The following NCKAP5 variants were observed in gnomAD, a reference collection of about 807,000 sequenced individuals.
NCKAP5 encodes the protein nck-associated protein 5.
In NCKAP5, 92 loss-of-function variants were observed where a neutral mutation model predicts 167.0. The ratio of observed to expected loss-of-function variants is 0.55; its 90% CI spans 0.47 to 0.66. NCKAP5 has a LOEUF of 0.66. NCKAP5 is among the 30% of genes least tolerant of loss of function. The pLI, the probability that NCKAP5 is intolerant of heterozygous loss-of-function variation, is 0.00. For missense variants in NCKAP5, 2,378 were observed against 2,315.0 expected (o/e 1.03, Z -0.56); for synonymous variants, 891 against 877.4 (o/e 1.02, Z -0.27).
chr2:133,084,162 A>T (rs1573978966), intron 6 of NCKAP5, among the ~76,000 whole-genome samples: 1 of 152,114 alleles, frequency 6.6e-6, no homozygotes, highest in African/African-American at 2.4e-5. Flanking sequence ...GGGTGGCTGG[A>T]TAAGGAAAAA....
the NCKAP5 span, among the ~76,000 whole-genome samples, chr2:133,656,940 G>A: frequency 6.6e-6 from 1 of 151,550 alleles, no homozygotes; most frequent in Non-Finnish European, 1.5e-5. Flanking sequence ...CCTTTCCCCT[G>A]AGTACCCAAA....
At chr2:132,930,142 A>T (rs1696254714) in intron 8 of NCKAP5, 1 of 152,166 alleles carries the variant, frequency 6.6e-6, no homozygotes, top group African/African-American at 2.4e-5. Flanking sequence ...TCCCTGGTTG[A>T]AATTTGAATA....
intron 10 of NCKAP5, among the ~76,000 whole-genome samples, chr2:132,864,916 C>T (rs1372602640): frequency 3.3e-5 from 5 of 152,128 alleles, no homozygotes; most frequent in African/African-American, 1.2e-4. Flanking sequence ...TCTCAGTTTC[C>T]TCATCTGTAA....
Position 132,782,026 on chromosome 2 carries a change from G to A in NCKAP5, c.4785C>T (p.Tyr1595=). 1 of 1,614,020 alleles carries A rather than the reference G, an allele frequency of 6.2e-7. No individual in the cohort carries two copies. Among genetic ancestry groups the A allele is most frequent in the South Asian group, 1.1e-5 (1 of 91,076 alleles). Reference sequence around the variant, plus strand: ...TCCTTGGTTCAATCTTCAGTTGGTTGTAAATGTCTTGTGGTGTTCTCCGAT... The same window carrying A: ...TCCTTGGTTCAATCTTCAGTTGGTTATAAATGTCTTGTGGTGTTCTCCGAT... ...KNNRRTPQDI[Y]NQLKIEPRNR... is the part of the protein sequence containing the mutation. The change falls in exon 14 of 20, where the codon TAC becomes TAT. Residue 1595 remains tyrosine (Y), a synonymous_variant. Transcript: ENST00000409261.
chr2:132,736,797 A>G (rs1399980530), intron 16 of NCKAP5, among the ~76,000 whole-genome samples: 1 of 152,156 alleles, frequency 6.6e-6, no homozygotes, highest in Non-Finnish European at 1.5e-5. Context: ...ACAAAACAAA[A>G]CAAGAAACAA....
chr2:132,684,445 G>A (rs971009169), intron 19 of NCKAP5, among the ~76,000 whole-genome samples: 8 of 152,210 alleles, frequency 5.3e-5, no homozygotes, highest in Non-Finnish European at 1.0e-4. Context: ...TTTGGCTTGT[G>A]AGTAGTCAAG....
intron 3 of NCKAP5, among the ~76,000 whole-genome samples, chr2:133,409,268 C>T (rs943508979): frequency 2.0e-5 from 3 of 152,322 alleles, no homozygotes; most frequent in South Asian, 2.1e-4. Flanking sequence ...TTACTACCTG[C>T]TGTCCCAGCT....
upstream of NCKAP5, among the ~76,000 whole-genome samples, chr2:133,572,550 G>A (rs1688904519): frequency 6.6e-6 from 1 of 152,190 alleles, no homozygotes; most frequent in Admixed American, 6.5e-5. Flanking sequence ...AAATATCGGC[G>A]GTGGGGGAAT....
chr2:133,104,226 A>C (rs2081610782), intron 6 of NCKAP5, among the ~76,000 whole-genome samples: 1 of 152,208 alleles, frequency 6.6e-6, no homozygotes, highest in African/African-American at 2.4e-5. Flanking sequence ...TTGGACACAG[A>C]GCACAGCGTC....
Position 132,743,956 on chromosome 2 carries a change from T to C in NCKAP5, c.5129-11905A>G, listed in dbSNP as rs991698256. On this transcript the variant is annotated intron_variant, in intron 16 of 19. Coordinates refer to ENST00000409261, the MANE Select transcript of NCKAP5 (RefSeq NM_207363.3). Reference sequence around the variant, plus strand: ...ATATTACCAGGGATCAGAAGAAATATGTTATAGTTATAACAAGGTAAATTT... The same window carrying C: ...ATATTACCAGGGATCAGAAGAAATACGTTATAGTTATAACAAGGTAAATTT... Among the ~76,000 whole-genome samples, 3 of 151,896 alleles carry C rather than the reference T, an allele frequency of 2.0e-5. No homozygotes were observed. The South Asian group carries it at 6.2e-4, about 31-fold the overall frequency.
chr2:133,248,179 C>G (rs1443604625), intron 4 of NCKAP5, among the ~76,000 whole-genome samples: 17 of 152,204 alleles, frequency 1.1e-4, no homozygotes, highest in Admixed American at 1.0e-3. Flanking sequence ...ATTACAGCCC[C>G]TGGGAGAAGG....
the NCKAP5 span, among the ~76,000 whole-genome samples, chr2:133,581,599 A>G: frequency 1.3e-5 from 2 of 152,096 alleles, no homozygotes; most frequent in Non-Finnish European, 2.9e-5. Flanking sequence ...GATTGGACCC[A>G]TTTCCCTGGA....
intron 2 of NCKAP5, among the ~76,000 whole-genome samples, chr2:133,548,346 G>A (rs946990283): frequency 3.0e-4 from 45 of 152,086 alleles, no homozygotes; most frequent in Non-Finnish European, 6.3e-4. Flanking sequence ...TAGCAAGGCA[G>A]GCCAATGTTC....
At chr2:133,339,406 A>G (rs1683428559) in intron 3 of NCKAP5, among the ~76,000 whole-genome samples, 1 of 152,208 alleles carries the variant, frequency 6.6e-6, no homozygotes, top group Non-Finnish European at 1.5e-5. Context: ...TAAAGCATAT[A>G]AAGTGTATAG....
intron 3 of NCKAP5, among the ~76,000 whole-genome samples, chr2:133,400,361 G>C (rs995198531): frequency 3.7e-4 from 56 of 152,260 alleles, no homozygotes; most frequent in African/African-American, 1.3e-3. Flanking sequence ...TGGAAGAAAG[G>C]TCATTGAGGA....
intron 16 of NCKAP5, among the ~76,000 whole-genome samples, chr2:132,769,342 A>C (rs914192409): frequency 6.6e-6 from 1 of 152,228 alleles, no homozygotes; most frequent in Non-Finnish European, 1.5e-5. Context: ...ATTCAGATTC[A>C]CAACTTTCTT....
chr2:132,786,007 T>C (rs1010419040), intron 13 of NCKAP5, among the ~76,000 whole-genome samples: 3 of 152,216 alleles, frequency 2.0e-5, no homozygotes, highest in African/African-American at 7.2e-5. Context: ...ACTAACTGTA[T>C]GTCAAGGGAG....
chr2:132,774,891 A>C (rs1407597174), intron 15 of NCKAP5, among the ~76,000 whole-genome samples: 2 of 152,204 alleles, frequency 1.3e-5, no homozygotes, highest in Non-Finnish European at 2.9e-5. Context: ...AATTGTCAAA[A>C]TGGTGGCACT....
rs908647435 is a variant in NCKAP5, at chr2:133,198,859, T to A, written c.207+14857A>T. 3.9e-5 allele frequency among the ~76,000 whole-genome samples: 6 copies of A among 152,088 alleles called. No individual in the cohort carries two copies. The South Asian group carries it at 1.0e-3, about 26-fold the overall frequency. ...TTGGAAACGAACAAAGTTCTTTTTT[T>A]AAAATCTTATTACACAATCAAAATA... On this transcript the variant is annotated intron_variant, in intron 5 of 19. Coordinates refer to ENST00000409261, the MANE Select transcript of NCKAP5 (RefSeq NM_207363.3).
Sources: allele counts gnomAD v4.1 joint callset (sites outside exome capture counted in the v4.1 genomes callset), GRCh38; gene constraint gnomAD v4.1.1; transcripts MANE v1.5; gene names NCBI Gene and HGNC (gene_info 2026-07-23, HGNC 2026-07-21).